ST6GALNAC3: variants seen among roughly 807,000 people sequenced by gnomAD.
ST6GALNAC3 encodes ST6 N-acetylgalactosaminide alpha-2,6-sialyltransferase 3, also known as alpha-N-acetylgalactosaminide alpha-2,6-sialyltransferase 3.
In ST6GALNAC3, 25 loss-of-function variants were observed where a neutral mutation model predicts 32.7. The observed-to-expected ratio is 0.76, with a 90% CI of 0.56 to 1.07. The LOEUF is 1.07. Ranked by LOEUF, ST6GALNAC3 falls within the 50% of genes least tolerant of loss-of-function variation. The pLI is 0.00. For missense variants in ST6GALNAC3, 355 were observed against 382.4 expected, an observed-to-expected ratio of 0.93 and a Z score of 0.60; for synonymous variants, 129 against 133.1, an observed-to-expected ratio of 0.97 and a Z score of 0.21.
intron 3 of ST6GALNAC3, among the ~76,000 whole-genome samples, chr1:76,567,384 C>T (rs1462903410): frequency 2.0e-5 from 3 of 151,840 alleles, no homozygotes; most frequent in Non-Finnish European, 2.9e-5. Context: ...GAACAATAAT[C>T]AAAGAAAAAG....
intron 3 of ST6GALNAC3, among the ~76,000 whole-genome samples, chr1:76,414,136 G>T (rs74089923): frequency 0.039 from 5,963 of 152,082 alleles, 417 homozygotes; most frequent in African/African-American, 0.14. Flanking sequence ...AGCTTTGGGA[G>T]ATCATTTTCT....
At chr1:76,243,951 A>G (rs1093560) in intron 1 of ST6GALNAC3, among the ~76,000 whole-genome samples, 28,768 of 152,030 alleles carry the variant, frequency 0.19, 3,011 homozygotes, top group Non-Finnish European at 0.24. Flanking sequence ...GTTCCATATG[A>G]AATTTAAAGT....
chr1:76,303,785 G>T (rs902539431), intron 1 of ST6GALNAC3, among the ~76,000 whole-genome samples: 1 of 151,950 alleles, frequency 6.6e-6, no homozygotes, highest in Non-Finnish European at 1.5e-5. Flanking sequence ...GCTCCAAGCA[G>T]GTTTACTAGT....
At chr1:76,250,911 A>T (rs1400111493) in intron 1 of ST6GALNAC3, among the ~76,000 whole-genome samples, 2 of 152,166 alleles carry the variant, frequency 1.3e-5, no homozygotes, top group Non-Finnish European at 2.9e-5. Flanking sequence ...TGTTCTCTTA[A>T]AAAACAATGA....
chr1:76,074,795 C>A lies in ST6GALNAC3; in HGVS notation c.-72C>A. 1 of 1,536,962 alleles carries A rather than the reference C, an allele frequency of 6.5e-7. No individual in the cohort carries two copies. ...GAGGTCCTGCCGTGGTACCAGCCTC[C>A]AGCCTGCCCCCAGGACTGCCCCTGA... On this transcript the variant is annotated 5_prime_UTR_variant, in exon 1 of 5. Transcript: ENST00000328299.
intron 2 of ST6GALNAC3, among the ~76,000 whole-genome samples, chr1:76,359,342 A>G (rs1334343383): frequency 6.6e-6 from 1 of 152,228 alleles, no homozygotes; most frequent in Non-Finnish European, 1.5e-5. Flanking sequence ...TAGGATGAGT[A>G]AGATTAGTAA....
At chr1:76,460,594 A>G (rs145832547) in intron 3 of ST6GALNAC3, among the ~76,000 whole-genome samples, 12 of 152,306 alleles carry the variant, frequency 7.9e-5, no homozygotes, top group African/African-American at 2.9e-4. Context: ...GCATCTGTAA[A>G]GTTTCATCAC....
intron 3 of ST6GALNAC3, among the ~76,000 whole-genome samples, chr1:76,540,339 C>G (rs575714893): frequency 1.3e-5 from 2 of 152,166 alleles, no homozygotes; most frequent in Non-Finnish European, 2.9e-5. Context: ...GGGAACAACA[C>G]ACACTAGGGC....
Position 76,632,627 on chromosome 1 carries a change from G to A in ST6GALNAC3, c.*3821G>A, listed in dbSNP as rs567020705. 6.6e-6 allele frequency: 1 copy of A among 152,276 alleles called. No individual in the cohort carries two copies. Among genetic ancestry groups the A allele is most frequent in the South Asian group, 2.1e-4 (1 of 4,828 alleles). The allele number at this position is 152,276 out of a possible 1,614,324, so 9.4% of individuals were successfully genotyped here. ...TCAGCTGAGGTAGGAACAAGAGTCT[G>A]AATTGGGGACCTGCTGACCTTCCAA... On this transcript the variant is annotated 3_prime_UTR_variant, in exon 5 of 5. Coordinates refer to ENST00000328299, the MANE Select transcript of ST6GALNAC3 (RefSeq NM_152996.4).
chr1:76,459,023 A>G (rs954117976), intron 3 of ST6GALNAC3, among the ~76,000 whole-genome samples: 2 of 152,174 alleles, frequency 1.3e-5, no homozygotes, highest in African/African-American at 4.8e-5. Flanking sequence ...TCATGGAGCC[A>G]AACTGACAAT....
chr1:76,150,964 C>A (rs1651002940), intron 1 of ST6GALNAC3, among the ~76,000 whole-genome samples: 1 of 152,178 alleles, frequency 6.6e-6, no homozygotes, highest in Admixed American at 6.5e-5. Flanking sequence ...TCTGACATTT[C>A]AACTACTTGG....
At chr1:76,337,894 C>A (rs888519611) in intron 2 of ST6GALNAC3, among the ~76,000 whole-genome samples, 1 of 152,126 alleles carries the variant, frequency 6.6e-6, no homozygotes, top group Non-Finnish European at 1.5e-5. Flanking sequence ...CCCAGACTGA[C>A]ATTTCCAAAG....
At chr1:76,327,865 C>T (rs1044709632) in intron 2 of ST6GALNAC3, among the ~76,000 whole-genome samples, 1 of 152,174 alleles carries the variant, frequency 6.6e-6, no homozygotes, top group East Asian at 1.9e-4. Flanking sequence ...GTTGGGATTA[C>T]AGGCGTGAAC....
intron 3 of ST6GALNAC3, among the ~76,000 whole-genome samples, chr1:76,434,796 T>G (rs1656023229): frequency 7.0e-6 from 1 of 143,364 alleles, no homozygotes; most frequent in East Asian, 2.0e-4. Flanking sequence ...TTTTTTTTTT[T>G]TTTTTTTTTT....
At chr1:76,209,900 A>T (rs1655043280) in intron 1 of ST6GALNAC3, among the ~76,000 whole-genome samples, 1 of 152,102 alleles carries the variant, frequency 6.6e-6, no homozygotes, top group Admixed American at 6.5e-5. Flanking sequence ...CTGGCTTTGA[A>T]TCTGAATTGC....
intron 1 of ST6GALNAC3, among the ~76,000 whole-genome samples, chr1:76,144,848 T>C (rs376678929): frequency 4.3e-4 from 65 of 152,332 alleles, no homozygotes; most frequent in African/African-American, 1.3e-3. Flanking sequence ...ACAAACTGTG[T>C]AATTTAGAGG....
At chr1:76,580,517 A>T (rs914209066) in intron 3 of ST6GALNAC3, among the ~76,000 whole-genome samples, 1 of 152,144 alleles carries the variant, frequency 6.6e-6, no homozygotes, top group Non-Finnish European at 1.5e-5. Flanking sequence ...AACCTGTTTT[A>T]TTCTTCTCAC....
intron 1 of ST6GALNAC3, among the ~76,000 whole-genome samples, chr1:76,118,279 T>A (rs996956420): frequency 6.6e-6 from 1 of 152,230 alleles, no homozygotes; most frequent in Non-Finnish European, 1.5e-5. Flanking sequence ...TTCTTAAGTA[T>A]TAGCATTATT....
chr1:76,528,073 A>G (rs1350394122), intron 3 of ST6GALNAC3, among the ~76,000 whole-genome samples: 1 of 152,130 alleles, frequency 6.6e-6, no homozygotes, highest in Non-Finnish European at 1.5e-5. Flanking sequence ...ACAGACCACA[A>G]CATATTCCTA....
Sources: allele counts gnomAD v4.1 joint callset (sites outside exome capture counted in the v4.1 genomes callset), GRCh38; gene constraint gnomAD v4.1.1; transcripts MANE v1.5; gene names NCBI Gene and HGNC (gene_info 2026-07-23, HGNC 2026-07-21).